The following NYAP2 variants were observed in gnomAD, a reference collection of about 807,000 sequenced individuals.
NYAP2 encodes the protein neuronal tyrosine-phosphorylated phosphoinositide-3-kinase adapter 2.
NYAP2 carries 23 observed loss-of-function variants against 50.4 expected under a neutral mutation model. That is an observed-to-expected ratio of 0.46 (90% CI 0.33 to 0.65). The LOEUF (loss-of-function observed/expected upper bound fraction) is 0.65, where lower values mean the gene tolerates loss of function less well. NYAP2 is among the 30% of genes least tolerant of loss of function. NYAP2 has a pLI of 0.02. For missense variants in NYAP2, 885 were observed against 861.0 expected, an observed-to-expected ratio of 1.03 and a Z score of -0.35; for synonymous variants, 394 against 365.2, an observed-to-expected ratio of 1.08 and a Z score of -0.90.
At chr2:225,420,879 A>C (rs921626343) in intron 3 of NYAP2, among the ~76,000 whole-genome samples, 2 of 151,808 alleles carry the variant, frequency 1.3e-5, no homozygotes, top group Non-Finnish European at 2.9e-5. Flanking sequence ...GATAAATTTG[A>C]GCTATTAGGA....
intron 3 of NYAP2, among the ~76,000 whole-genome samples, chr2:225,463,603 CA>C (rs1288637201): frequency 2.0e-5 from 3 of 152,232 alleles, no homozygotes; most frequent in Non-Finnish European, 4.4e-5. Context: ...ATTTTATTGT[CA>C]ATCAAGATTT....
At position 225,409,475 on chromosome 2, in the gene NYAP2, C is replaced by T. The variant is rs574187843; in HGVS notation, c.221+374C>T. Among the ~76,000 whole-genome samples the T allele has an allele frequency of 8.3e-4, 127 of 152,106 alleles. 1 individual carries two copies. The highest frequency in any genetic ancestry group is 7.9e-4 in the Admixed American group (12 of 15,230). On this transcript the variant is annotated intron_variant, in intron 3 of 6. Coordinates refer to ENST00000636099, the Ensembl canonical transcript of NYAP2. ...CCTTTAATGGCCTTTGGTTATAGTTCTTACCTTTAAATAGAGCTCATCTTC... is the reference window on the plus strand; with the variant it reads ...CCTTTAATGGCCTTTGGTTATAGTTTTTACCTTTAAATAGAGCTCATCTTC...
At chr2:225,549,029 C>T in intron 4 of NYAP2, among the ~76,000 whole-genome samples, 1 of 152,008 alleles carries the variant, frequency 6.6e-6, no homozygotes, top group Non-Finnish European at 1.5e-5. Flanking sequence ...TATAGGCATG[C>T]ACTACCACAG....
At chr2:225,441,616 G>T (rs143534056) in intron 3 of NYAP2, among the ~76,000 whole-genome samples, 263 of 152,272 alleles carry the variant, frequency 1.7e-3, no homozygotes, top group African/African-American at 5.9e-3. Context: ...TCAAAAGGCG[G>T]CAGGAGAGAG....
intron 3 of NYAP2, among the ~76,000 whole-genome samples, chr2:225,487,747 T>C (rs1182988358): frequency 6.6e-6 from 1 of 152,216 alleles, no homozygotes; most frequent in Non-Finnish European, 1.5e-5. Context: ...ATAGTATTTA[T>C]TTATGGGGAT....
At chr2:225,585,914 GT>G (rs1692382470) in intron 5 of NYAP2, among the ~76,000 whole-genome samples, 1 of 152,124 alleles carries the variant, frequency 6.6e-6, no homozygotes, top group Admixed American at 6.6e-5. Flanking sequence ...TCCCAGACAG[GT>G]TTTGTGGACC....
intron 4 of NYAP2, among the ~76,000 whole-genome samples, chr2:225,515,721 C>G (rs114429978): frequency 6.8e-4 from 104 of 152,232 alleles, no homozygotes; most frequent in Non-Finnish European, 1.3e-3. Flanking sequence ...TTTCATTTCT[C>G]TTTATTTTCT....
chr2:225,480,320 G>A (rs1208116485), intron 3 of NYAP2, among the ~76,000 whole-genome samples: 1 of 152,040 alleles, frequency 6.6e-6, no homozygotes, highest in Non-Finnish European at 1.5e-5. Flanking sequence ...TATACTAGGG[G>A]AAGATAGATA....
At chr2:225,689,415 C>T in the NYAP2 span, among the ~76,000 whole-genome samples, 72 of 152,230 alleles carry the variant, frequency 4.7e-4, 1 homozygote, top group South Asian at 2.7e-3. Context: ...CTTAAAATAT[C>T]AACATGTGAT....
the NYAP2 span, among the ~76,000 whole-genome samples, chr2:225,665,758 G>A: frequency 4.7e-5 from 6 of 128,684 alleles, no homozygotes; most frequent in Non-Finnish European, 6.3e-5. Flanking sequence ...GCAGTGAGCT[G>A]AGATTGTGCC....
intron 4 of NYAP2, among the ~76,000 whole-genome samples, chr2:225,555,860 G>A (rs79285562): frequency 0.014 from 2,156 of 152,274 alleles, 21 homozygotes; most frequent in Middle Eastern, 0.027. Flanking sequence ...TCTACCTTCA[G>A]TTCCATTCAC....
chr2:225,464,518 T>C (rs1270668199), intron 3 of NYAP2, among the ~76,000 whole-genome samples: 1 of 151,968 alleles, frequency 6.6e-6, no homozygotes, highest in Admixed American at 6.6e-5. Flanking sequence ...GCTAGGTCAG[T>C]AGGGAGGGAT....
At chr2:225,622,393 T>A (rs1693120107) in intron 5 of NYAP2, among the ~76,000 whole-genome samples, 1 of 152,196 alleles carries the variant, frequency 6.6e-6, no homozygotes. Context: ...ACCATCCAAA[T>A]GCCCTCTTCC....
rs114387918 is a variant in NYAP2 at position 225,428,967 on chromosome 2, C to G, written c.221+19866C>G. ...TATAACATATCCTATAAATTCTTTA[C>G]ATGTGACATCTGTTTAATCCAGATA... On this transcript the variant is annotated intron_variant, in intron 3 of 6. Transcript: ENST00000636099. 4.7e-3 allele frequency among the ~76,000 whole-genome samples: 719 copies of G among 152,260 alleles called. 3 individuals carry two copies. The highest frequency in any genetic ancestry group is 0.016 in the African/African-American group (675 of 41,542).
At chr2:225,610,658 T>C (rs1692866121) in intron 5 of NYAP2, among the ~76,000 whole-genome samples, 1 of 152,166 alleles carries the variant, frequency 6.6e-6, no homozygotes, top group Non-Finnish European at 1.5e-5. Flanking sequence ...TATTCTGAAT[T>C]TCAGCCCCAT....
intron 3 of NYAP2, among the ~76,000 whole-genome samples, chr2:225,501,785 T>G (rs1690613459): frequency 6.6e-6 from 1 of 152,158 alleles, no homozygotes; most frequent in South Asian, 2.1e-4. Context: ...GTCACATCTT[T>G]CTCTCTCTTC....
intron 4 of NYAP2, among the ~76,000 whole-genome samples, chr2:225,516,825 T>A (rs1484386499): frequency 6.6e-6 from 1 of 152,204 alleles, no homozygotes; most frequent in Non-Finnish European, 1.5e-5. Context: ...TTTATAATTT[T>A]TCTAGCTATC....
intron 5 of NYAP2, among the ~76,000 whole-genome samples, chr2:225,585,612 A>G (rs1466534508): frequency 6.6e-6 from 1 of 152,224 alleles, no homozygotes; most frequent in African/African-American, 2.4e-5. Context: ...TCTGCAGAGA[A>G]AGGGCATGCC....
chr2:225,521,779 C>T (rs1198948783), intron 4 of NYAP2, among the ~76,000 whole-genome samples: 1 of 152,030 alleles, frequency 6.6e-6, no homozygotes, highest in Non-Finnish European at 1.5e-5. Context: ...CAGGATGATG[C>T]TAACCTCATA....
Sources: gnomAD v4.1 joint callset for allele counts (sites outside exome capture counted in the v4.1 genomes callset) on GRCh38, gnomAD v4.1.1 for gene constraint, MANE v1.5 for transcripts, NCBI Gene and HGNC (gene_info 2026-07-23, HGNC 2026-07-21) for gene names.